Variants in TRAK1 observed in about 807,000 individuals in gnomAD.
TRAK1 encodes trafficking kinesin-binding protein 1.
TRAK1 carries 33 observed loss-of-function variants against 92.1 expected under a neutral mutation model. The ratio of observed to expected loss-of-function variants is 0.36; its 90% CI spans 0.27 to 0.48. The LOEUF is 0.48. TRAK1 is among the 20% of genes least tolerant of loss of function. TRAK1 has a pLI of 0.99. For synonymous variants in TRAK1, 521 were observed against 517.3 expected, an observed-to-expected ratio of 1.01 and a Z score of -0.10; for missense variants, 1,123 against 1,257.9, an observed-to-expected ratio of 0.89 and a Z score of 1.62.
chr3:42,094,456 A>G (rs144340825), intron 1 of TRAK1, among the ~76,000 whole-genome samples: 95 of 152,132 alleles, frequency 6.2e-4, no homozygotes, highest in African/African-American at 2.3e-3. Flanking sequence ...GGTGTATTGC[A>G]ATCTTGAACT....
At chr3:42,138,953 AAAGAGTC>A (rs199911777) in intron 2 of TRAK1, among the ~76,000 whole-genome samples, 3,326 of 147,464 alleles carry the variant, frequency 0.023, 121 homozygotes, top group African/African-American at 0.079. Context: ...TTGGAACATC[AAAGAGTC>A]TGTTGTCACC....
intron 2 of TRAK1, among the ~76,000 whole-genome samples, chr3:42,171,286 C>T (rs1405867032): frequency 6.6e-6 from 1 of 152,052 alleles, no homozygotes; most frequent in African/African-American, 2.4e-5. Flanking sequence ...GGAATGTTAC[C>T]AGAATTAGGT....
intron 2 of TRAK1, among the ~76,000 whole-genome samples, chr3:42,152,156 G>A (rs1700029114): frequency 6.6e-6 from 1 of 152,160 alleles, no homozygotes; most frequent in African/African-American, 2.4e-5. Context: ...GTTTATTAAT[G>A]TTTGTTGTGG....
At chr3:42,189,196 A>T in intron 6 of TRAK1, 72 bp downstream of exon 6, 1 of 1,196,978 alleles carries the variant, frequency 8.4e-7, no homozygotes, top group Non-Finnish European at 1.2e-6. Flanking sequence ...GGCAAGGACA[A>T]CCATGGTTAA....
At chr3:42,185,225 G>A (rs1704619556) in intron 4 of TRAK1, among the ~76,000 whole-genome samples, 3 of 152,214 alleles carry the variant, frequency 2.0e-5, no homozygotes, top group Admixed American at 6.5e-5. Context: ...CAGGCTGGGC[G>A]TGGGCAGCTG....
chr3:42,179,299 C>T (rs942153736), intron 3 of TRAK1, among the ~76,000 whole-genome samples: 2 of 152,160 alleles, frequency 1.3e-5, no homozygotes, highest in South Asian at 2.1e-4. Flanking sequence ...TTGCACTGTG[C>T]GGTGGTTTTC....
intron 1 of TRAK1, among the ~76,000 whole-genome samples, chr3:42,107,610 A>T (rs187177570): frequency 4.5e-4 from 68 of 152,086 alleles, no homozygotes; most frequent in African/African-American, 1.6e-3. Context: ...TTGGAGGGAG[A>T]TGGGTGAGAT....
chr3:42,203,742 T>G, intron 13 of TRAK1: 1 of 962,386 alleles, frequency 1.0e-6, no homozygotes, highest in Non-Finnish European at 1.2e-6. Flanking sequence ...CTAAGGAGCC[T>G]TCTTAGACGT....
rs763525840 is a variant in TRAK1, at chr3:42,224,348, CT to C, written c.*615del. 1 of 279,450 alleles carries C rather than the reference CT, an allele frequency of 3.6e-6. No individual in the cohort carries two copies. Among genetic ancestry groups the C allele is most frequent in the Non-Finnish European group, 6.9e-6 (1 of 144,864 alleles). The allele number at this position is 279,450 out of a possible 1,614,324, so 17.3% of individuals were successfully genotyped here. On this transcript the variant is annotated 3_prime_UTR_variant, in exon 16 of 16. Coordinates refer to ENST00000327628, the MANE Select transcript of TRAK1 (RefSeq NM_001042646.3). ...AGTCGTTTCTTTTTTGAGGTGTGAC[CT>C]TTTGTTTTCATGCCTTCCCCTTGAA...
At chr3:42,077,463 AT>A (rs1704212376) in intron 1 of TRAK1, among the ~76,000 whole-genome samples, 1 of 152,058 alleles carries the variant, frequency 6.6e-6, no homozygotes, top group African/African-American at 2.4e-5. Flanking sequence ...TAATTTTTGT[AT>A]TTTTAGCAGA....
At chr3:42,021,291 C>A (rs1701713091) in intron 1 of TRAK1, among the ~76,000 whole-genome samples, 1 of 152,098 alleles carries the variant, frequency 6.6e-6, no homozygotes, top group African/African-American at 2.4e-5. Context: ...TTCATTTCAA[C>A]CTTTGCATCT....
rs1470471518 is a variant in TRAK1 at position 42,223,845 on chromosome 3, T to C, written c.*108T>C. The stretch of plus-strand genomic sequence containing the variant: ...CACTCCCTCCCTCTGCCCTTCTCTG[T>C]CCACCCCCTCCTAAGCTAGACAAAT... On this transcript the variant is annotated 3_prime_UTR_variant, in exon 16 of 16. Coordinates refer to ENST00000327628, the MANE Select transcript of TRAK1 (RefSeq NM_001042646.3). The surrounding 1 kb of genome is among the most constrained non-coding windows in gnomAD (Gnocchi z 6.1). 2 of 1,257,238 alleles carry C rather than the reference T, an allele frequency of 1.6e-6. No individual in the cohort carries two copies. Among genetic ancestry groups the C allele is most frequent in the African/African-American group, 3.0e-5 (2 of 66,320 alleles). 77.9% of individuals were successfully genotyped at this position (1,257,238 alleles called of 1,614,324 possible).
At chr3:42,027,029 G>A (rs1050492454) in intron 1 of TRAK1, among the ~76,000 whole-genome samples, 1 of 152,076 alleles carries the variant, frequency 6.6e-6, no homozygotes, top group African/African-American at 2.4e-5. Context: ...TAAAATCTCA[G>A]AATGATGCAA....
chr3:42,164,365 C>T (rs932695781), intron 2 of TRAK1, among the ~76,000 whole-genome samples: 7 of 152,246 alleles, frequency 4.6e-5, no homozygotes, highest in Non-Finnish European at 4.4e-5. Flanking sequence ...CTCTCCAGGT[C>T]ACCTTATGGG....
rs557032515 is a variant in TRAK1, at chr3:42,215,294, A to G, written c.1964-4200A>G. ...ACTGTTTCTCATGCAGCTGACAGGC[A>G]AAGACACATCTTCCTCTCCCCTTTC... On this transcript the variant is annotated intron_variant, in intron 14 of 15. Coordinates refer to ENST00000327628, the MANE Select transcript of TRAK1 (RefSeq NM_001042646.3). 3.3e-5 allele frequency among the ~76,000 whole-genome samples: 5 copies of G among 152,346 alleles called. No homozygotes were observed. In the South Asian group the frequency reaches 1.0e-3, roughly 32 times the overall value.
At chr3:42,146,271 C>T (rs1576612302) in intron 2 of TRAK1, 1 of 300,298 alleles carries the variant, frequency 3.3e-6, no homozygotes, top group East Asian at 8.4e-5. Context: ...TATTGCCGTT[C>T]ACCCACTTGT....
At chr3:42,040,928 C>T (rs1485385232) in intron 1 of TRAK1, among the ~76,000 whole-genome samples, 2 of 152,174 alleles carry the variant, frequency 1.3e-5, no homozygotes, top group African/African-American at 4.8e-5. Context: ...ATCTGCCCGC[C>T]TTGGCCTCTC....
chr3:42,036,165 C>T (rs1223929971), intron 1 of TRAK1, among the ~76,000 whole-genome samples: 2 of 152,186 alleles, frequency 1.3e-5, no homozygotes, highest in African/African-American at 4.8e-5. Context: ...GCATCTGGCA[C>T]TTGACCCAAA....
chr3:42,185,916 C>T lies in TRAK1; in HGVS notation c.480+1115C>T, dbSNP rs552381123. ...CTCGAACTCCTGACCTCAGGTCATC[C>T]GCCCGCCTCAGCCTCCCAAAGTGCT... On this transcript the variant is annotated intron_variant, in intron 4 of 15. Transcript: ENST00000327628. 4.6e-5 allele frequency among the ~76,000 whole-genome samples: 7 copies of T among 150,662 alleles called. No homozygotes were observed. The South Asian group carries it at 6.3e-4, about 14-fold the overall frequency.
Sources: allele counts gnomAD v4.1 joint callset (sites outside exome capture counted in the v4.1 genomes callset), GRCh38; gene constraint gnomAD v4.1.1; non-coding constraint Gnocchi (gnomAD v3.1); transcripts MANE v1.5; gene names NCBI Gene and HGNC (gene_info 2026-07-23, HGNC 2026-07-21).